Variants in NLGN1 observed in about 807,000 individuals in gnomAD.
NLGN1 encodes the protein neuroligin-1.
A neutral mutation model predicts 65.5 loss-of-function variants in NLGN1; 12 were observed. That is an observed-to-expected ratio of 0.18 (90% CI 0.12 to 0.30). NLGN1 has a LOEUF of 0.30. Among genes scored for constraint, NLGN1 ranks in the 10% least tolerant of loss-of-function variants. The probability of loss-of-function intolerance (pLI) is 1.00; values close to 1 mark genes in which losing one functional copy is unlikely to be tolerated. For synonymous variants in NLGN1, 350 were observed against 359.5 expected (o/e 0.97, Z 0.30); for missense variants, 750 against 1,007.1 (o/e 0.74, Z 3.46).
At chr3:174,017,523 C>T (rs930490638) in intron 4 of NLGN1, among the ~76,000 whole-genome samples, 3 of 152,044 alleles carry the variant, frequency 2.0e-5, no homozygotes, top group Non-Finnish European at 4.4e-5. Flanking sequence ...TTCAGGGGAA[C>T]CTGCCCCCGA....
intron 4 of NLGN1, among the ~76,000 whole-genome samples, chr3:174,192,624 C>T (rs1732607741): frequency 6.6e-6 from 1 of 152,126 alleles, no homozygotes. Flanking sequence ...TCACGATTTA[C>T]TGCTGCTTAG....
At chr3:173,887,763 A>T (rs761325406) in intron 4 of NLGN1, among the ~76,000 whole-genome samples, 5 of 151,964 alleles carry the variant, frequency 3.3e-5, no homozygotes, top group Admixed American at 6.6e-5. Flanking sequence ...CAGCTCTAAA[A>T]GGGATCTTTT....
intron 1 of NLGN1, among the ~76,000 whole-genome samples, chr3:173,405,702 G>T (rs1179372319): frequency 2.0e-5 from 3 of 151,900 alleles, no homozygotes; most frequent in East Asian, 3.9e-4. Flanking sequence ...CTTAAGAAAA[G>T]AAATAATAGT....
rs1320322236 is a variant in NLGN1, at chr3:174,076,718, AGAGAGAGTGT to A, written c.647-198595_647-198586del. ...GAGAGAGAGAGAGAGAGAGAGAGAG[AGAGAGAGTGT>A]GTGTGTGTGTGTGTGTGTGTGTGTG... On this transcript the variant is annotated intron_variant, in intron 4 of 6. Coordinates refer to ENST00000457714, the Ensembl canonical transcript of NLGN1. Among the ~76,000 whole-genome samples, 238 of 121,222 alleles carry A rather than the reference AGAGAGAGTGT, an allele frequency of 2.0e-3. No homozygotes were observed. The Middle Eastern group carries it at 0.035, about 18-fold the overall frequency. The allele number at this position is 121,222 out of a possible 152,430, so 79.5% of individuals were successfully genotyped here. A position where few individuals can be genotyped will look rare whatever the true frequency, so the allele number is the denominator to read the frequency against.
intron 4 of NLGN1, among the ~76,000 whole-genome samples, chr3:174,057,427 G>A (rs1461400190): frequency 1.3e-5 from 2 of 151,950 alleles, no homozygotes; most frequent in African/African-American, 4.8e-5. Context: ...TAGGTCTGGG[G>A]GTGACTAGAC....
chr3:173,599,446 C>T (rs1269686902), intron 2 of NLGN1, among the ~76,000 whole-genome samples: 1 of 152,102 alleles, frequency 6.6e-6, no homozygotes, highest in African/African-American at 2.4e-5. Context: ...GTATATGAAA[C>T]ATTTTGCTAC....
intron 4 of NLGN1, among the ~76,000 whole-genome samples, chr3:173,894,700 C>T (rs1425236421): frequency 6.8e-6 from 1 of 147,514 alleles, no homozygotes; most frequent in African/African-American, 2.5e-5. Flanking sequence ...GGCAATGGCA[C>T]ATTATTGGTT....
At chr3:173,917,095 A>G (rs907415247) in intron 4 of NLGN1, among the ~76,000 whole-genome samples, 4 of 152,224 alleles carry the variant, frequency 2.6e-5, no homozygotes, top group African/African-American at 4.8e-5. Flanking sequence ...AGAAAATCTG[A>G]ATCAGTGCAT....
intron 3 of NLGN1, among the ~76,000 whole-genome samples, chr3:173,736,664 T>A (rs201754189): frequency 9.3e-5 from 14 of 149,872 alleles, no homozygotes; most frequent in East Asian, 5.8e-4. Flanking sequence ...AAAAAAAAAA[T>A]AATTTTGTCT....
At chr3:174,209,600 C>A (rs1736050765) in intron 4 of NLGN1, among the ~76,000 whole-genome samples, 1 of 148,676 alleles carries the variant, frequency 6.7e-6, no homozygotes, top group Non-Finnish European at 1.5e-5. Context: ...ACAGCCTACC[C>A]TGGTGTCTAT....
At chr3:173,482,001 A>G (rs1727377296) in intron 2 of NLGN1, among the ~76,000 whole-genome samples, 1 of 151,800 alleles carries the variant, frequency 6.6e-6, no homozygotes, top group South Asian at 2.1e-4. Flanking sequence ...GAGGTCTTTT[A>G]TCATTTATCT....
intron 2 of NLGN1, among the ~76,000 whole-genome samples, chr3:173,498,362 T>C (rs945480496): frequency 6.6e-6 from 1 of 151,844 alleles, no homozygotes; most frequent in Non-Finnish European, 1.5e-5. Context: ...GCTTCATCCA[T>C]GTCCCTACAA....
intron 4 of NLGN1, among the ~76,000 whole-genome samples, chr3:174,155,285 G>A (rs1342954323): frequency 2.0e-5 from 3 of 150,994 alleles, no homozygotes; most frequent in African/African-American, 4.9e-5. Flanking sequence ...AGAGATGCTT[G>A]ACAGCTGCTC....
chr3:173,424,066 G>A lies in NLGN1; in HGVS notation c.-389-10944G>A, dbSNP rs1577387416. On this transcript the variant is annotated intron_variant, in intron 1 of 6. Transcript: ENST00000457714. ...CCATGTGGAAGCTGAACACCATGTG[G>A]AAGCCACCAAGCTTGGGGCTCACAT... Among the ~76,000 whole-genome samples the A allele has an allele frequency of 2.0e-5, 3 of 152,322 alleles. No homozygotes were observed. The East Asian group carries it at 5.8e-4, about 29-fold the overall frequency.
At chr3:173,554,915 T>G (rs1294786717) in intron 2 of NLGN1, among the ~76,000 whole-genome samples, 1 of 152,152 alleles carries the variant, frequency 6.6e-6, no homozygotes, top group Non-Finnish European at 1.5e-5. Context: ...TTGCCAATAT[T>G]TGGTATTTTT....
intron 4 of NLGN1, among the ~76,000 whole-genome samples, chr3:174,255,768 C>G (rs1002762966): frequency 2.6e-5 from 4 of 151,836 alleles, no homozygotes; most frequent in Non-Finnish European, 5.9e-5. Flanking sequence ...AAATGATCCC[C>G]CCATTTCAGC....
At chr3:173,408,935 T>C (rs926637109) in intron 1 of NLGN1, among the ~76,000 whole-genome samples, 2 of 143,708 alleles carry the variant, frequency 1.4e-5, no homozygotes, top group Non-Finnish European at 3.0e-5. Context: ...AAAGAATAGG[T>C]GCATTACAAC....
intron 2 of NLGN1, among the ~76,000 whole-genome samples, chr3:173,491,427 G>T (rs1003594640): frequency 6.6e-6 from 1 of 151,796 alleles, no homozygotes; most frequent in East Asian, 1.9e-4. Context: ...AACCAGCCTT[G>T]CATCTGAGGG....
At chr3:174,167,898 TA>T (rs530490287) in intron 4 of NLGN1, among the ~76,000 whole-genome samples, 2 of 152,042 alleles carry the variant, frequency 1.3e-5, no homozygotes, top group Non-Finnish European at 2.9e-5. Flanking sequence ...TTCCTCAGTT[TA>T]AAAATTTTTT....
Sources: allele counts gnomAD v4.1 joint callset (sites outside exome capture counted in the v4.1 genomes callset), GRCh38; gene constraint gnomAD v4.1.1; transcripts MANE v1.5; gene names NCBI Gene and HGNC (gene_info 2026-07-23, HGNC 2026-07-21).